NHSL2: variants seen among roughly 807,000 people sequenced by gnomAD.
The protein encoded by NHSL2 is NHS like 2, also known as NHS-like protein 2.
A neutral mutation model predicts 53.4 loss-of-function variants in NHSL2; 27 were observed. That is an observed-to-expected ratio of 0.51 (90% CI 0.37 to 0.70). The LOEUF (loss-of-function observed/expected upper bound fraction) is 0.70. Among genes scored for constraint, NHSL2 ranks in the 30% least tolerant of loss-of-function variants. NHSL2 has a pLI of 0.00. For missense variants in NHSL2, 892 were observed against 980.1 expected, an observed-to-expected ratio of 0.91 and a Z score of 1.20; for synonymous variants, 408 against 404.1, an observed-to-expected ratio of 1.01 and a Z score of -0.12.
chrX:72,085,703 T>TG (rs1301425963), intron 1 of NHSL2, among the ~76,000 whole-genome samples: 2 of 88,912 alleles, frequency 2.2e-5, no homozygotes, highest in African/African-American at 8.4e-5. Flanking sequence ...AGAAATTCTT[T>TG]GTTTTTTTTT....
chrX:72,043,550 C>T (rs2042287778), intron 1 of NHSL2, among the ~76,000 whole-genome samples: 1 of 110,798 alleles, frequency 9.0e-6, no homozygotes, highest in Non-Finnish European at 1.9e-5. Context: ...AGCCGGGATT[C>T]GACCCCAAGC....
At chrX:71,980,558 GGGGTGTGTGGGGTGTGTGT>G (rs1306171000) in intron 1 of NHSL2, among the ~76,000 whole-genome samples, 1 of 1,957 alleles carries the variant, frequency 5.1e-4, no homozygotes, top group African/African-American at 8.5e-4. Flanking sequence ...GTGTGTGTGT[GGGGTGTGTGGGGTGTGTGT>G]GTGTGTGTGT....
rs777000313 is a variant in NHSL2, at chrX:71,938,764, G to A, written c.280+27397G>A. On this transcript the variant is annotated intron_variant, in intron 1 of 7. Transcript: ENST00000633930. ...GGCTCTTGGCCCCACTGCTGGGAAG[G>A]AAGGTATGAGCTGATAGCTCAGGAA... Among the ~76,000 whole-genome samples, 4 of 113,086 alleles carry A rather than the reference G, an allele frequency of 3.5e-5. No homozygotes were observed. In the East Asian group the frequency reaches 1.1e-3, roughly 31 times the overall value.
chrX:71,925,526 T>A (rs1222702590), intron 1 of NHSL2, among the ~76,000 whole-genome samples: 7 of 110,281 alleles, frequency 6.3e-5, no homozygotes, highest in Non-Finnish European at 1.3e-4. Context: ...TCCTGGGTTA[T>A]GTTTTTGCAC....
At chrX:72,080,683 T>C (rs191352474) in intron 1 of NHSL2, among the ~76,000 whole-genome samples, 2 of 110,607 alleles carry the variant, frequency 1.8e-5, no homozygotes, top group African/African-American at 6.6e-5. Flanking sequence ...GAAAATTCCA[T>C]CTCATTCAAT....
intron 1 of NHSL2, among the ~76,000 whole-genome samples, chrX:71,926,222 A>G (rs1461445714): frequency 8.9e-6 from 1 of 112,041 alleles, no homozygotes. Flanking sequence ...CTATTTGAGA[A>G]ATGAAAAAAA....
At chrX:72,035,387 A>G (rs1376336536) in intron 1 of NHSL2, among the ~76,000 whole-genome samples, 1 of 110,012 alleles carries the variant, frequency 9.1e-6, no homozygotes, top group East Asian at 2.8e-4. Context: ...TCTCGGATTG[A>G]TTGTGTTGTT....
intron 1 of NHSL2, among the ~76,000 whole-genome samples, chrX:72,111,494 C>T (rs2042093061): frequency 8.9e-6 from 1 of 112,704 alleles, no homozygotes; most frequent in African/African-American, 3.2e-5. Flanking sequence ...ACACTCATAG[C>T]AACCCAGTGA....
At chrX:71,971,219 C>T (rs1020806191) in intron 1 of NHSL2, among the ~76,000 whole-genome samples, 1 of 111,641 alleles carries the variant, frequency 9.0e-6, no homozygotes, top group African/African-American at 3.3e-5. Flanking sequence ...ATGATATACA[C>T]CTTAACTTGT....
chrX:72,053,800 C>T (rs1029447134), intron 1 of NHSL2, among the ~76,000 whole-genome samples: 5 of 111,616 alleles, frequency 4.5e-5, no homozygotes, highest in Non-Finnish European at 3.8e-5. Flanking sequence ...ATTTTGGGGT[C>T]CACTCCTCCA....
rs898684325 is a variant in NHSL2 at position 72,144,900 on chromosome X, A to C, written c.*1326A>C. 4 of 125,662 alleles carry C rather than the reference A, an allele frequency of 3.2e-5. No individual in the cohort carries two copies. Among genetic ancestry groups the C allele is most frequent in the Non-Finnish European group, 3.2e-5 (2 of 62,984 alleles). The allele number at this position is 125,662 out of a possible 1,213,427, so 10.4% of individuals were successfully genotyped here. A position where few individuals can be genotyped will look rare whatever the true frequency, so the allele number is the denominator to read the frequency against. On this transcript the variant is annotated 3_prime_UTR_variant, in exon 8 of 8. Coordinates refer to ENST00000633930, the MANE Select transcript of NHSL2 (RefSeq NM_001013627.3). Reference sequence around the variant, plus strand: ...CCTGCCCCCACCCCCCACGAAGCTTATAGGCACTAACTATTCTTGTCAGCT... The same window carrying C: ...CCTGCCCCCACCCCCCACGAAGCTTCTAGGCACTAACTATTCTTGTCAGCT...
intron 1 of NHSL2, among the ~76,000 whole-genome samples, chrX:72,119,595 A>G (rs1478413235): frequency 8.9e-6 from 1 of 112,625 alleles, no homozygotes; most frequent in Non-Finnish European, 1.9e-5. Context: ...TTTTAAATTG[A>G]TTTCATGGCC....
chrX:71,977,703 G>T (rs764472537), intron 1 of NHSL2, among the ~76,000 whole-genome samples: 33 of 111,652 alleles, frequency 3.0e-4, no homozygotes, highest in Non-Finnish European at 5.3e-4. Flanking sequence ...ATGAGCCACC[G>T]CGCCTGTCTG....
At chrX:72,081,936 G>A (rs1255289557) in intron 1 of NHSL2, among the ~76,000 whole-genome samples, 1 of 111,895 alleles carries the variant, frequency 8.9e-6, no homozygotes, top group Non-Finnish European at 1.9e-5. Context: ...TACCAGCAGA[G>A]CCGCGACCTC....
chrX:72,070,694 G>A (rs1035694352), intron 1 of NHSL2, among the ~76,000 whole-genome samples: 7 of 108,300 alleles, frequency 6.5e-5, no homozygotes, highest in African/African-American at 2.4e-4. Context: ...TCCTCCCTCT[G>A]TCTTGGTGGA....
intron 1 of NHSL2, among the ~76,000 whole-genome samples, chrX:72,109,508 C>T (rs1049025369): frequency 5.4e-5 from 6 of 111,631 alleles, no homozygotes; most frequent in African/African-American, 1.6e-4. Flanking sequence ...CTCATACTGT[C>T]GCCTGGGATT....
chrX:72,102,684 C>A (rs1158988537), intron 1 of NHSL2, among the ~76,000 whole-genome samples: 3 of 112,270 alleles, frequency 2.7e-5, no homozygotes, highest in African/African-American at 9.7e-5. Context: ...TTATTCTTAA[C>A]AGATATAATT....
chrX:72,085,400 G>T (rs1020843410), intron 1 of NHSL2, among the ~76,000 whole-genome samples: 1 of 111,884 alleles, frequency 8.9e-6, no homozygotes, highest in Non-Finnish European at 1.9e-5. Context: ...AGATATATTC[G>T]GATCATATTT....
At chrX:72,043,270 A>G (rs2042286123) in intron 1 of NHSL2, among the ~76,000 whole-genome samples, 1 of 111,771 alleles carries the variant, frequency 8.9e-6, no homozygotes, top group Non-Finnish European at 1.9e-5. Flanking sequence ...CCCTGAAGAC[A>G]CTGCTTGAGG....
Sources: gnomAD v4.1 joint callset for allele counts (sites outside exome capture counted in the v4.1 genomes callset) on GRCh38, gnomAD v4.1.1 for gene constraint, MANE v1.5 for transcripts, NCBI Gene and HGNC (gene_info 2026-07-23, HGNC 2026-07-21) for gene names.